ANKS1B: variants seen among roughly 807,000 people sequenced by gnomAD.
ANKS1B encodes the protein ankyrin repeat and sterile alpha motif domain-containing protein 1B.
ANKS1B carries 36 observed loss-of-function variants against 148.3 expected under a neutral mutation model. The observed-to-expected ratio is 0.24, with a 90% CI of 0.19 to 0.32. The LOEUF (loss-of-function observed/expected upper bound fraction) is 0.32. ANKS1B is among the 10% of genes least tolerant of loss of function. The pLI is 1.00. For missense variants in ANKS1B, 1,157 were observed against 1,542.6 expected (o/e 0.75, Z 4.19); for synonymous variants, 542 against 560.8 (o/e 0.97, Z 0.47).
chr12:99,253,850 T>C (rs2074946994), intron 12 of ANKS1B, among the ~76,000 whole-genome samples: 1 of 152,170 alleles, frequency 6.6e-6, no homozygotes, highest in African/African-American at 2.4e-5. Flanking sequence ...ATATCCAGTG[T>C]GGTAAAGATG....
chr12:99,080,840 A>C (rs557146667), intron 16 of ANKS1B, among the ~76,000 whole-genome samples: 3 of 152,236 alleles, frequency 2.0e-5, no homozygotes, highest in Admixed American at 6.5e-5. Flanking sequence ...TTTCTAGGAC[A>C]GTAGAAAAAA....
At chr12:99,827,781 A>C (rs888368902) in intron 1 of ANKS1B, among the ~76,000 whole-genome samples, 1 of 152,204 alleles carries the variant, frequency 6.6e-6, no homozygotes, top group Non-Finnish European at 1.5e-5. Context: ...GAATTCACAC[A>C]CACACTGCTA....
chr12:99,528,750 T>G (rs932660180), intron 9 of ANKS1B, among the ~76,000 whole-genome samples: 4 of 150,682 alleles, frequency 2.7e-5, no homozygotes, highest in Non-Finnish European at 4.5e-5. Flanking sequence ...AGTACTGATA[T>G]GTTAAGCTAA....
intron 14 of ANKS1B, among the ~76,000 whole-genome samples, chr12:99,231,932 T>G (rs898085445): frequency 1.3e-5 from 2 of 152,068 alleles, no homozygotes; most frequent in Non-Finnish European, 2.9e-5. Context: ...AAGAGGAGCT[T>G]GGATCAGGAA....
chr12:99,511,642 A>G (rs2096767080), intron 9 of ANKS1B, among the ~76,000 whole-genome samples: 1 of 152,102 alleles, frequency 6.6e-6, no homozygotes, highest in African/African-American at 2.4e-5. Context: ...TGGAGGCATC[A>G]CGCTACCTGA....
At chr12:99,767,570 T>TA (rs1015121905) in intron 8 of ANKS1B, among the ~76,000 whole-genome samples, 1 of 152,052 alleles carries the variant, frequency 6.6e-6, no homozygotes, top group Non-Finnish European at 1.5e-5. Flanking sequence ...TGGGAAAACA[T>TA]AAAGAGAATA....
At chr12:99,443,570 A>G (rs1287194361) in intron 11 of ANKS1B, 103 bp downstream of exon 11, 2 of 1,196,034 alleles carry the variant, frequency 1.7e-6, no homozygotes, top group Non-Finnish European at 2.3e-6. Flanking sequence ...ATCCATTGAC[A>G]TACCACATAA....
intron 17 of ANKS1B, among the ~76,000 whole-genome samples, chr12:98,916,023 C>T (rs534985591): frequency 3.9e-5 from 6 of 152,282 alleles, no homozygotes; most frequent in East Asian, 1.9e-4. Context: ...TCCTGCTTAA[C>T]GCTCCCACCA....
intron 14 of ANKS1B, among the ~76,000 whole-genome samples, chr12:99,229,071 A>G (rs746795174): frequency 1.3e-5 from 2 of 151,952 alleles, no homozygotes; most frequent in Non-Finnish European, 1.5e-5. Context: ...AAAAAGAGAG[A>G]GCAGAAAATA....
chr12:98,750,232 C>T (rs989216686), intron 26 of ANKS1B, among the ~76,000 whole-genome samples: 10 of 151,940 alleles, frequency 6.6e-5, no homozygotes, highest in African/African-American at 2.2e-4. Context: ...AGCGTGGCAT[C>T]GGAAGAAAGA....
intron 14 of ANKS1B, among the ~76,000 whole-genome samples, chr12:99,164,945 A>G (rs1377578482): frequency 6.6e-6 from 1 of 152,002 alleles, no homozygotes; most frequent in East Asian, 1.9e-4. Context: ...TATCCTTATA[A>G]CCATCTTAAT....
At chr12:98,790,829 C>T (rs1223303148) in intron 22 of ANKS1B, among the ~76,000 whole-genome samples, 1 of 152,132 alleles carries the variant, frequency 6.6e-6, no homozygotes, top group African/African-American at 2.4e-5. Flanking sequence ...TGAGAAGAGA[C>T]TCAATCAATC....
intron 12 of ANKS1B, among the ~76,000 whole-genome samples, chr12:99,315,137 G>C (rs2083815489): frequency 6.6e-6 from 1 of 151,872 alleles, no homozygotes; most frequent in South Asian, 2.1e-4. Context: ...CAGCTACTCA[G>C]GAGGCTGAAA....
At chr12:98,894,004 A>C (rs2099758108) in intron 17 of ANKS1B, among the ~76,000 whole-genome samples, 1 of 152,204 alleles carries the variant, frequency 6.6e-6, no homozygotes, top group Non-Finnish European at 1.5e-5. Flanking sequence ...ATTTCGCTGG[A>C]AACACTGACC....
chr12:99,646,311 C>T (rs1400222816), intron 9 of ANKS1B, among the ~76,000 whole-genome samples: 1 of 152,072 alleles, frequency 6.6e-6, no homozygotes, highest in African/African-American at 2.4e-5. Context: ...CCAAAATAAT[C>T]AAACATTTCA....
intron 1 of ANKS1B, among the ~76,000 whole-genome samples, chr12:99,944,132 G>C (rs2094993178): frequency 6.6e-6 from 1 of 152,044 alleles, no homozygotes; most frequent in Non-Finnish European, 1.5e-5. Context: ...GGAGCATAAG[G>C]GCACTCTTCC....
intron 8 of ANKS1B, among the ~76,000 whole-genome samples, chr12:99,714,221 G>A (rs1447140611): frequency 2.7e-5 from 4 of 150,062 alleles, no homozygotes; most frequent in Non-Finnish European, 5.9e-5. Flanking sequence ...TTCTGTCATG[G>A]CATTGCTTTT....
At chr12:99,426,391 A>G (rs550927456) in intron 11 of ANKS1B, among the ~76,000 whole-genome samples, 9 of 152,220 alleles carry the variant, frequency 5.9e-5, no homozygotes, top group African/African-American at 2.2e-4. Context: ...TTCAAAAAAT[A>G]TTTTTGAGAA....
At chr12:99,348,801 T>C (rs1002159713) in intron 12 of ANKS1B, among the ~76,000 whole-genome samples, 2 of 151,954 alleles carry the variant, frequency 1.3e-5, no homozygotes, top group Non-Finnish European at 2.9e-5. Context: ...AAGGGAGTTC[T>C]TCATATTGAA....
Sources: allele counts gnomAD v4.1 joint callset (sites outside exome capture counted in the v4.1 genomes callset), GRCh38; gene constraint gnomAD v4.1.1; transcripts MANE v1.5; gene names NCBI Gene and HGNC (gene_info 2026-07-23, HGNC 2026-07-21).